PCDHGA5: variants seen among roughly 807,000 people sequenced by gnomAD.
PCDHGA5 encodes protocadherin gamma subfamily A, 5.
Under a neutral mutation model 56.7 loss-of-function variants are expected in PCDHGA5, and 36 were observed. That is an observed-to-expected ratio of 0.64 (90% CI 0.49 to 0.84). The LOEUF is 0.84. PCDHGA5 is among the 40% of genes least tolerant of loss of function. PCDHGA5 has a pLI of 0.00. For missense variants in PCDHGA5, 1,305 were observed against 1,201.5 expected, an observed-to-expected ratio of 1.09 and a Z score of -1.27; for synonymous variants, 563 against 520.2, an observed-to-expected ratio of 1.08 and a Z score of -1.12.
At chr5:141,416,253 A>G (rs1399251065) in intron 1 of PCDHGA5, 1 of 152,312 alleles carries the variant, frequency 6.6e-6, no homozygotes, top group Non-Finnish European at 1.5e-5. Flanking sequence ...AACTGATAAC[A>G]CTGCAGTATC....
intron 1 of PCDHGA5, among the ~76,000 whole-genome samples, chr5:141,459,721 T>C (rs2098973915): frequency 6.6e-6 from 1 of 152,246 alleles, no homozygotes. Context: ...CAATGCTTCC[T>C]ATTGTCAATT....
At chr5:141,479,937 C>G (rs1322238189) in intron 1 of PCDHGA5, among the ~76,000 whole-genome samples, 1 of 152,212 alleles carries the variant, frequency 6.6e-6, no homozygotes, top group African/African-American at 2.4e-5. Context: ...TCATTGCTAT[C>G]AACTCTTGGA....
intron 1 of PCDHGA5, among the ~76,000 whole-genome samples, chr5:141,446,764 G>A (rs2098514605): frequency 6.6e-6 from 1 of 152,214 alleles, no homozygotes; most frequent in Non-Finnish European, 1.5e-5. Context: ...ACCGCGCCCA[G>A]CCGGTTACCA....
intron 1 of PCDHGA5, chr5:141,440,169 C>A (rs891186588): frequency 1.3e-5 from 2 of 152,218 alleles, no homozygotes; most frequent in Non-Finnish European, 2.9e-5. Flanking sequence ...TGGGCCATAA[C>A]GCTTTGAAAT....
intron 1 of PCDHGA5, chr5:141,404,679 A>G: frequency 6.2e-7 from 1 of 1,614,096 alleles, no homozygotes; most frequent in Admixed American, 1.7e-5. Flanking sequence ...ACTGGTGTGG[A>G]GCTGGCACCC....
intron 1 of PCDHGA5, chr5:141,382,975 G>C (rs1459980689): frequency 6.2e-7 from 1 of 1,610,700 alleles, no homozygotes; most frequent in Non-Finnish European, 8.5e-7. Context: ...CCCCTGGGAA[G>C]CCTGGGCAGG....
chr5:141,425,587 T>G (rs2096884432), intron 1 of PCDHGA5, among the ~76,000 whole-genome samples: 2 of 152,226 alleles, frequency 1.3e-5, no homozygotes. Flanking sequence ...CTAACTTTAT[T>G]CTGAATATGC....
intron 1 of PCDHGA5, among the ~76,000 whole-genome samples, chr5:141,494,547 C>T (rs2099755185): frequency 6.6e-6 from 1 of 152,106 alleles, no homozygotes; most frequent in East Asian, 1.9e-4. Context: ...GAGGAAGGGG[C>T]CATTTCTTTA....
At position 141,489,369 on chromosome 5, in the gene PCDHGA5, G is replaced by T; in HGVS notation, c.2422-5438G>T. ...TGGTGGAGGAGTCTGAGCCGGGGAC[G>T]CTGGTGGGGAATGTTGCTCAGGATC... On this transcript the variant is annotated intron_variant, in intron 1 of 3. Coordinates refer to ENST00000518069, the MANE Select transcript of PCDHGA5 (RefSeq NM_018918.3). This position sits in a 1 kb window ranked among gnomAD's most constrained non-coding sequence, Gnocchi z 4.5. 6.2e-7 allele frequency: 1 copy of T among 1,613,592 alleles called. No homozygotes were observed.
At position 141,477,744 on chromosome 5, in the gene PCDHGA5, G is replaced by A; in HGVS notation, c.2422-17063G>A. On this transcript the variant is annotated intron_variant, in intron 1 of 3. Coordinates refer to ENST00000518069, the MANE Select transcript of PCDHGA5 (RefSeq NM_018918.3). The surrounding 1 kb of genome is among the most constrained non-coding windows in gnomAD (Gnocchi z 4.9). Reference sequence around the variant, plus strand: ...TTAACAGCTCATATCAGCGATGGGGGCACCCCGGTCCTAGCCACCAACATC... The same window carrying A: ...TTAACAGCTCATATCAGCGATGGGGACACCCCGGTCCTAGCCACCAACATC... 6.2e-7 allele frequency: 1 copy of A among 1,613,778 alleles called. No homozygotes were observed. The highest frequency in any genetic ancestry group is 8.5e-7 in the Non-Finnish European group (1 of 1,180,028).
chr5:141,432,615 T>G lies in PCDHGA5; in HGVS notation c.2422-62192T>G. ...GCCAGCGAGCCGGGACTCTTCTCGG[T>G]GGGTCTGCACACGGGCGAGGTGCGC... On this transcript the variant is annotated intron_variant, in intron 1 of 3. Coordinates refer to ENST00000518069, the MANE Select transcript of PCDHGA5 (RefSeq NM_018918.3). The surrounding 1 kb of genome is among the most constrained non-coding windows in gnomAD (Gnocchi z 6.0). The G allele has an allele frequency of 2.5e-6, 4 of 1,613,820 alleles. No homozygotes were observed. The highest frequency in any genetic ancestry group is 1.1e-5 in the South Asian group (1 of 91,054).
Position 141,431,530 on chromosome 5 carries a change from G to A in PCDHGA5, c.2422-63277G>A. On this transcript the variant is annotated intron_variant, in intron 1 of 3. Transcript: ENST00000518069. The surrounding 1 kb of genome is among the most constrained non-coding windows in gnomAD (Gnocchi z 4.8). ...CGAGCGTTCCGGAGAATCTGGCCTT[G>A]GGCACGCAGCTGCTTGTAGTCAACG... 3 of 1,614,072 alleles carry A rather than the reference G, an allele frequency of 1.9e-6. No homozygotes were observed. In the South Asian group the frequency reaches 3.3e-5, roughly 18 times the overall value.
intron 1 of PCDHGA5, chr5:141,433,047 C>G: frequency 1.9e-6 from 3 of 1,614,164 alleles, no homozygotes; most frequent in Non-Finnish European, 2.5e-6. Context: ...ACCACGGACT[C>G]GCGGAAGAGT....
chr5:141,385,052 G>A (rs559398944), intron 1 of PCDHGA5: 3 of 1,614,152 alleles, frequency 1.9e-6, no homozygotes, highest in Non-Finnish European at 8.5e-7. Context: ...AGGCTGCGGC[G>A]CTGGCACAAG....
intron 1 of PCDHGA5, among the ~76,000 whole-genome samples, chr5:141,407,824 G>C (rs2094986699): frequency 6.6e-6 from 1 of 152,190 alleles, no homozygotes; most frequent in South Asian, 2.1e-4. Context: ...TAATATTATG[G>C]TGAGAGCAAA....
chr5:141,389,101 C>G, intron 1 of PCDHGA5: 1 of 1,614,030 alleles, frequency 6.2e-7, no homozygotes, highest in Non-Finnish European at 8.5e-7. Flanking sequence ...GTGACAGATG[C>G]TGTTCTAGAC....
At chr5:141,444,644 G>T (rs1300191764) in intron 1 of PCDHGA5, among the ~76,000 whole-genome samples, 1 of 151,892 alleles carries the variant, frequency 6.6e-6, no homozygotes, top group Non-Finnish European at 1.5e-5. Flanking sequence ...ATTGAGGTAG[G>T]GGTTGAAGTT....
chr5:141,438,735 C>T (rs2098057719), intron 1 of PCDHGA5, among the ~76,000 whole-genome samples: 1 of 149,150 alleles, frequency 6.7e-6, no homozygotes, highest in South Asian at 2.1e-4. Context: ...GATCTCAGCT[C>T]ACTGCAACCT....
rs747671382 is a variant in PCDHGA5 at position 141,444,152 on chromosome 5, A to ATTTTTTT, written c.2422-50625_2422-50619dup. On this transcript the variant is annotated intron_variant, in intron 1 of 3. Coordinates refer to ENST00000518069, the MANE Select transcript of PCDHGA5 (RefSeq NM_018918.3). ...GATATGTGTCACTTGTGTGTACTGG[A>ATTTTTTT]TTTTTTTTTTTTTTTTTTTTTTTTT... Among the ~76,000 whole-genome samples, 8 of 33,896 alleles carry ATTTTTTT rather than the reference A, an allele frequency of 2.4e-4. 2 individuals are homozygous for ATTTTTTT. The highest frequency in any genetic ancestry group is 2.1e-3 in the South Asian group (2 of 962). 22.2% of individuals were successfully genotyped at this position (33,896 alleles called of 152,430 possible).
Sources: allele counts gnomAD v4.1 joint callset (sites outside exome capture counted in the v4.1 genomes callset), GRCh38; gene constraint gnomAD v4.1.1; non-coding constraint Gnocchi (gnomAD v3.1); transcripts MANE v1.5; gene names NCBI Gene and HGNC (gene_info 2026-07-23, HGNC 2026-07-21).